The following HMX1 variants were observed in gnomAD, a reference collection of about 807,000 sequenced individuals.
The protein encoded by HMX1 is homeobox protein HMX1.
HMX1 carries 8 observed loss-of-function variants against 8.9 expected under a neutral mutation model. The ratio of observed to expected loss-of-function variants is 0.90; its 90% CI spans 0.53 to 1.63. The LOEUF is 1.63. Ranked by LOEUF, HMX1 falls within the 40% of genes most tolerant of loss-of-function variation. The pLI is 0.00. For synonymous variants in HMX1, 311 were observed against 283.4 expected (o/e 1.10, Z -0.98); for missense variants, 621 against 558.5 (o/e 1.11, Z -1.13).
chr4:8,866,009 G>A (rs1382243020), downstream of HMX1, among the ~76,000 whole-genome samples: 1 of 152,190 alleles, frequency 6.6e-6, no homozygotes, highest in African/African-American at 2.4e-5. Flanking sequence ...AAATGCCCAC[G>A]CTGTCATGAC....
At chr4:8,857,730 T>G (rs977409639) in intron 1 of HMX1, among the ~76,000 whole-genome samples, 2 of 152,184 alleles carry the variant, frequency 1.3e-5, no homozygotes, top group South Asian at 2.1e-4. Context: ...CTGGTTGGAT[T>G]GTGTCTAAAT....
downstream of HMX1, among the ~76,000 whole-genome samples, chr4:8,863,860 C>G (rs943290574): frequency 1.3e-5 from 2 of 152,248 alleles, no homozygotes; most frequent in Non-Finnish European, 2.9e-5. Flanking sequence ...GGCTGGGAAT[C>G]TCTGCTCTAT....
rs1307117008 is a variant in HMX1, at chr4:8,870,660, C to A, written c.394+561G>T. On this transcript the variant is annotated intron_variant, in intron 1 of 1. Transcript: ENST00000400677. The surrounding 1 kb of genome is among the most constrained non-coding windows in gnomAD (Gnocchi z 4.4). ...GATGGCTCCCCTCCCCGGCCCCACC[C>A]CCACAACACTGCACCCTCTGCTCAA... Among the ~76,000 whole-genome samples, 1 of 151,920 alleles carries A rather than the reference C, an allele frequency of 6.6e-6. No individual in the cohort carries two copies. Among genetic ancestry groups the A allele is most frequent in the African/African-American group, 2.4e-5 (1 of 41,370 alleles).
downstream of HMX1, among the ~76,000 whole-genome samples, chr4:8,863,970 T>C (rs1234016433): frequency 6.6e-6 from 1 of 152,220 alleles, no homozygotes; most frequent in African/African-American, 2.4e-5. Flanking sequence ...GTATGGACTC[T>C]GCCTTTGGAG....
intron 1 of HMX1, among the ~76,000 whole-genome samples, chr4:8,856,037 G>A (rs1410217557): frequency 6.6e-6 from 1 of 152,198 alleles, no homozygotes; most frequent in East Asian, 1.9e-4. Flanking sequence ...GGGGGAAAAG[G>A]CCACTAGTAT....
chr4:8,867,503 C>T lies in HMX1; in HGVS notation c.*190G>A. 1 of 1,178,488 alleles carries T rather than the reference C, an allele frequency of 8.5e-7. No individual in the cohort carries two copies. The highest frequency in any genetic ancestry group is 1.0e-6 in the Non-Finnish European group (1 of 954,270). The allele number at this position is 1,178,488 out of a possible 1,614,324, so 73.0% of individuals were successfully genotyped here. The stretch of plus-strand genomic sequence containing the variant: ...AGCCTGGCAAATGGGTGGGGCGTCC[C>T]ATTACATTCTAGAGGCGCTCCCCAC... On this transcript the variant is annotated 3_prime_UTR_variant, in exon 2 of 2. Coordinates refer to ENST00000400677, the MANE Select transcript of HMX1 (RefSeq NM_018942.3).
intron 1 of HMX1, among the ~76,000 whole-genome samples, chr4:8,855,472 G>A (rs1015095361): frequency 6.6e-6 from 1 of 152,216 alleles, no homozygotes; most frequent in African/African-American, 2.4e-5. Context: ...ACCTGAGACT[G>A]CTGGGGGCCA....
chr4:8,867,936 C>A lies in HMX1; in HGVS notation c.804G>T (p.Ala268=), dbSNP rs762421612. ...GCGCTCCCGGCGGGGACAGGCTGGC[C>A]GCCTCCAGCTCGGCTGCCAGCTGCC... is the stretch of plus-strand genomic sequence containing the variant. ...WKRQLAAELE[A]ASLSPPGAQR... is the part of the protein sequence containing the mutation. The change falls in exon 2 of 2, where the codon GCG becomes GCT. Residue 268 remains alanine, a synonymous_variant. Coordinates refer to ENST00000400677, the MANE Select transcript of HMX1 (RefSeq NM_018942.3). 6.8e-7 allele frequency: 1 copy of A among 1,471,060 alleles called. No individual in the cohort carries two copies. The allele number at this position is 1,471,060 out of a possible 1,614,324, so 91.1% of individuals were successfully genotyped here. A position where few individuals can be genotyped will look rare whatever the true frequency, so the allele number is the denominator to read the frequency against.
chr4:8,856,251 G>T (rs1721605256), intron 1 of HMX1, among the ~76,000 whole-genome samples: 1 of 152,108 alleles, frequency 6.6e-6, no homozygotes, highest in African/African-American at 2.4e-5. Flanking sequence ...AAAAAAGAAA[G>T]AACCGAAAAA....
At chr4:8,858,201 C>T (rs1721677799) in intron 1 of HMX1, among the ~76,000 whole-genome samples, 1 of 152,110 alleles carries the variant, frequency 6.6e-6, no homozygotes, top group Admixed American at 6.5e-5. Flanking sequence ...GAGCGAGGCC[C>T]GGATGTGCTG....
At chr4:8,851,494 C>T (rs1473918519) in intron 1 of HMX1, among the ~76,000 whole-genome samples, 1 of 152,176 alleles carries the variant, frequency 6.6e-6, no homozygotes, top group African/African-American at 2.4e-5. Flanking sequence ...CATCACCGGT[C>T]GGGGCACCTT....
intron 1 of HMX1, among the ~76,000 whole-genome samples, chr4:8,854,228 T>G (rs2109456516): frequency 6.6e-6 from 1 of 152,322 alleles, no homozygotes. Context: ...TCAGGGGCTG[T>G]CGGCCACCCC....
In HMX1 at chr4:8,847,700, T is replaced by TC. The variant is rs1244402328; in HGVS notation, c.395-1377dup. ...CCCAGATTTGAACCTGGAGCTGTGGTCTTTCCAGTATATGAGGCCTGCCTT... is the reference window on the plus strand; with the variant it reads ...CCCAGATTTGAACCTGGAGCTGTGGTCCTTTCCAGTATATGAGGCCTGCCTT... On this transcript the variant is annotated intron_variant, in intron 1 of 1. Coordinates refer to the HMX1 transcript ENST00000506970. The surrounding 1 kb of genome is among the most constrained non-coding windows in gnomAD (Gnocchi z 6.0). Among the ~76,000 whole-genome samples the TC allele has an allele frequency of 8.5e-5, 13 of 152,340 alleles. No homozygotes were observed. In the East Asian group the frequency reaches 2.5e-3, roughly 29 times the overall value.
At position 8,871,453 on chromosome 4, in the gene HMX1, G is replaced by A. The variant is rs1722219359; in HGVS notation, c.162C>T (p.Asp54=). The change falls in exon 1 of 2, where the codon GAC becomes GAT. Residue 54 remains aspartate, a synonymous_variant. Transcript: ENST00000400677. The surrounding 1 kb of genome is among the most constrained non-coding windows in gnomAD (Gnocchi z 4.8). ...GCCGCCGCGCCTGCTCGGCGTCCTC[G>A]TCTTCGGGGTCGTCGTCGTCCTCCT... The part of the protein sequence containing the change: ...DEEEDDDDPE[D]EDAEQARRRR... 18 of 1,336,630 alleles carry A rather than the reference G, an allele frequency of 1.3e-5. No individual in the cohort carries two copies. Among genetic ancestry groups the A allele is most frequent in the Non-Finnish European group, 1.7e-5 (18 of 1,030,856 alleles). The allele number at this position is 1,336,630 out of a possible 1,614,324, so 82.8% of individuals were successfully genotyped here.
chr4:8,859,750 T>C (rs1406030989), intron 1 of HMX1, among the ~76,000 whole-genome samples: 2 of 151,862 alleles, frequency 1.3e-5, no homozygotes, highest in East Asian at 3.9e-4. Context: ...AATGAGGACA[T>C]CCCCCCGCCC....
intron 1 of HMX1, among the ~76,000 whole-genome samples, chr4:8,857,688 T>A (rs1721658484): frequency 6.6e-6 from 1 of 152,020 alleles, no homozygotes; most frequent in African/African-American, 2.4e-5. Context: ...TGGGTCTGAG[T>A]CTGGGGGTTC....
rs1363662064 is a variant in HMX1 at position 8,847,605 on chromosome 4, A to T, written c.395-1281T>A. ...ACCACCCCCTTCTGTCCCCACAGAG[A>T]TGCTTCTGCTCAGGGCCAAGGGCTC... On this transcript the variant is annotated intron_variant, in intron 1 of 1. Coordinates refer to the HMX1 transcript ENST00000506970. The surrounding 1 kb of genome is among the most constrained non-coding windows in gnomAD (Gnocchi z 6.0). 6.6e-6 allele frequency among the ~76,000 whole-genome samples: 1 copy of T among 152,180 alleles called. No homozygotes were observed. The highest frequency in any genetic ancestry group is 1.5e-5 in the Non-Finnish European group (1 of 68,040).
At position 8,871,714 on chromosome 4, in the gene HMX1, GC is replaced by G. The variant is rs1722232445; in HGVS notation, c.-101del. 2 of 1,082,458 alleles carry G rather than the reference GC, an allele frequency of 1.8e-6. No homozygotes were observed. Among genetic ancestry groups the G allele is most frequent in the Non-Finnish European group, 2.2e-6 (2 of 892,690 alleles). 67.1% of individuals were successfully genotyped at this position (1,082,458 alleles called of 1,614,324 possible). On this transcript the variant is annotated 5_prime_UTR_variant, in exon 1 of 2. Coordinates refer to ENST00000400677, the MANE Select transcript of HMX1 (RefSeq NM_018942.3). The surrounding 1 kb of genome is among the most constrained non-coding windows in gnomAD (Gnocchi z 4.8). ...GCACGCGCGGGCCGGCCCTGGAGCT[GC>G]TACCCGGACCGCTGGCGTCGGGCCC...
chr4:8,859,884 C>A (rs1038740015), intron 1 of HMX1, among the ~76,000 whole-genome samples: 10 of 152,218 alleles, frequency 6.6e-5, no homozygotes, highest in Non-Finnish European at 1.2e-4. Context: ...CAGGCGCGGG[C>A]AGTGGCCCAC....
Sources: allele counts gnomAD v4.1 joint callset (sites outside exome capture counted in the v4.1 genomes callset), GRCh38; gene constraint gnomAD v4.1.1; non-coding constraint Gnocchi (gnomAD v3.1); transcripts MANE v1.5; gene names NCBI Gene and HGNC (gene_info 2026-07-23, HGNC 2026-07-21).